CNGB1: variants seen among roughly 807,000 people sequenced by gnomAD.
CNGB1 encodes cyclic nucleotide gated channel subunit beta 1, also known as cyclic nucleotide-gated channel beta-1.
In CNGB1, 126 loss-of-function variants were observed where a neutral mutation model predicts 151.7. That is an observed-to-expected ratio of 0.83 (90% CI 0.72 to 0.96). The LOEUF (loss-of-function observed/expected upper bound fraction) is 0.96. Ranked by LOEUF, CNGB1 falls within the 40% of genes least tolerant of loss-of-function variation. The probability of loss-of-function intolerance (pLI) is 0.00; values close to 1 mark genes in which losing one functional copy is unlikely to be tolerated. For missense variants in CNGB1, 1,698 were observed against 1,627.0 expected (o/e 1.04, Z -0.75); for synonymous variants, 623 against 635.1 (o/e 0.98, Z 0.29).
At chr16:57,968,636 ATC>A (rs1218461198) in intron 1 of CNGB1, among the ~76,000 whole-genome samples, 11 of 152,372 alleles carry the variant, frequency 7.2e-5, no homozygotes, top group African/African-American at 2.6e-4. Context: ...GTACTACATA[ATC>A]TCATTATAAG....
At chr16:57,940,379 TC>T in intron 14 of CNGB1, 58 bp from the exon 15 acceptor site, 2 of 1,517,724 alleles carry the variant, frequency 1.3e-6, no homozygotes, top group African/African-American at 1.4e-5. Flanking sequence ...GTTAAAGGTT[TC>T]CCCAGCCCTG....
chr16:57,885,580 T>TCTCTCTCCCTCTCTCTCTC (rs746385217), intron 32 of CNGB1, among the ~76,000 whole-genome samples: 1 of 56,978 alleles, frequency 1.8e-5, no homozygotes, highest in African/African-American at 5.8e-5. Context: ...CTCTCTCTCT[T>TCTCTCTCCCTCTCTCTCTC]TCTTTCTTTC....
chr16:57,953,926 G>A (rs996748487), intron 12 of CNGB1, among the ~76,000 whole-genome samples: 3 of 151,818 alleles, frequency 2.0e-5, no homozygotes, highest in Non-Finnish European at 2.9e-5. Flanking sequence ...CCCAGCTCCC[G>A]GTACTCTTGA....
chr16:57,955,154 G>C, intron 12 of CNGB1: 1 of 1,483,020 alleles, frequency 6.7e-7, no homozygotes, highest in Admixed American at 2.1e-5. Flanking sequence ...GGAGGCTCTG[G>C]GGCTGGTGCA....
Position 57,884,390 on chromosome 16 carries a change from T to A in CNGB1, c.3530A>T (p.Lys1177Met). 1 of 1,612,816 alleles carries A rather than the reference T, an allele frequency of 6.2e-7. No homozygotes were observed. The highest frequency in any genetic ancestry group is 1.7e-4 in the Middle Eastern group (1 of 6,044). The change falls in exon 33 of 33, where the codon AAG (lysine) becomes ATG (methionine). Residue 1177 changes from lysine to methionine, a missense_variant. Transcript: ENST00000251102. ...CGCGGGTGGGTCGGTGGCGGCCTCC[T>A]TTGGGTGCGTGTGCTGGTCTGGGGC... Reference protein sequence around the residue: ...SAAPDQHTHPKEAATDPPAPR... With the variant: ...SAAPDQHTHPMEAATDPPAPR...
chr16:57,904,505 A>G (rs1205659354), intron 26 of CNGB1, among the ~76,000 whole-genome samples: 1 of 152,152 alleles, frequency 6.6e-6, no homozygotes, highest in African/African-American at 2.4e-5. Context: ...GTGCACCCGG[A>G]GGAACTGACA....
chr16:57,960,147 C>A (rs897152517), intron 9 of CNGB1, 82 bp from the exon 10 acceptor site: 7 of 1,524,254 alleles, frequency 4.6e-6, no homozygotes, highest in Non-Finnish European at 3.5e-6. Flanking sequence ...GGGCCAGATT[C>A]GAGTCGCTAA....
rs112406213 is a variant in CNGB1 at position 57,933,754 on chromosome 16, G to A, written c.1373-1876C>T. On this transcript the variant is annotated intron_variant, in intron 16 of 32. Transcript: ENST00000251102. ...TTTTTTTTTTTTGAGATGGAGTCTC[G>A]CTCTGTCGCCTAGGCTGGAGTATAG... Among the ~76,000 whole-genome samples, 823 of 139,254 alleles carry A rather than the reference G, an allele frequency of 5.9e-3. 8 individuals are homozygous for A. Among genetic ancestry groups the A allele is most frequent in the African/African-American group, 0.021 (778 of 36,816 alleles). 91.4% of individuals were successfully genotyped at this position (139,254 alleles called of 152,430 possible). A position where few individuals can be genotyped will look rare whatever the true frequency, so the allele number is the denominator to read the frequency against.
At chr16:57,918,393 G>T (rs1016367712) in intron 20 of CNGB1, among the ~76,000 whole-genome samples, 1 of 152,194 alleles carries the variant, frequency 6.6e-6, no homozygotes, top group South Asian at 2.1e-4. Flanking sequence ...ACAGGAAAAG[G>T]TCAGATAAGA....
At chr16:57,963,123 G>A (rs1962305204) in intron 4 of CNGB1, 59 bp from the exon 5 acceptor site, 6 of 1,249,704 alleles carry the variant, frequency 4.8e-6, no homozygotes, top group Non-Finnish European at 5.9e-6. Flanking sequence ...TGAGGCCCTC[G>A]AGGCCCAAGA....
chr16:57,968,814 C>T (rs1293170449), intron 1 of CNGB1, among the ~76,000 whole-genome samples: 1 of 145,982 alleles, frequency 6.9e-6, no homozygotes, highest in Non-Finnish European at 1.5e-5. Context: ...ATCACTTGAG[C>T]TCAGGAGTTC....
chr16:57,897,645 A>C (rs1332258809), intron 30 of CNGB1, 102 bp from the exon 31 acceptor site: 5 of 1,581,870 alleles, frequency 3.2e-6, no homozygotes, highest in Non-Finnish European at 4.3e-6. Context: ...GGCCCCACAC[A>C]GATGAGAACC....
At chr16:57,892,064 C>T (rs1030750396) in intron 31 of CNGB1, among the ~76,000 whole-genome samples, 1 of 28,428 alleles carries the variant, frequency 3.5e-5, no homozygotes, top group Non-Finnish European at 7.3e-5. Flanking sequence ...ACAAAAAGCA[C>T]AAAAATGCAA....
intron 16 of CNGB1, among the ~76,000 whole-genome samples, chr16:57,936,190 G>A (rs774163688): frequency 3.9e-5 from 6 of 152,098 alleles, no homozygotes; most frequent in Non-Finnish European, 8.8e-5. Flanking sequence ...ACAATCAATG[G>A]ATCCAGACAG....
chr16:57,942,350 A>T (rs1961690626), intron 14 of CNGB1, among the ~76,000 whole-genome samples: 1 of 152,200 alleles, frequency 6.6e-6, no homozygotes, highest in Non-Finnish European at 1.5e-5. Context: ...TCCACCAAAA[A>T]ACTGTTAGAA....
chr16:57,921,284 A>C (rs2149366957), intron 18 of CNGB1, among the ~76,000 whole-genome samples: 1 of 127,442 alleles, frequency 7.8e-6, no homozygotes, highest in Non-Finnish European at 1.5e-5. Context: ...TGGCAGTGGT[A>C]TGACCTCGGC....
intron 25 of CNGB1, 104 bp from the exon 26 acceptor site, chr16:57,904,979 A>G: frequency 6.9e-7 from 1 of 1,443,222 alleles, no homozygotes; most frequent in Non-Finnish European, 9.7e-7. Context: ...TGTGCAAAAG[A>G]CAGAAACCCT....
chr16:57,953,530 T>C (rs1962013813), intron 12 of CNGB1, among the ~76,000 whole-genome samples: 3 of 149,296 alleles, frequency 2.0e-5, no homozygotes, highest in Non-Finnish European at 3.0e-5. Context: ...AACAGCCTCA[T>C]GTAGGAAGGA....
intron 16 of CNGB1, among the ~76,000 whole-genome samples, chr16:57,939,110 A>G (rs1296687437): frequency 6.6e-6 from 1 of 151,824 alleles, no homozygotes; most frequent in Non-Finnish European, 1.5e-5. Flanking sequence ...GGGGCTGGTT[A>G]GGAGGGGCCT....
Sources: allele counts gnomAD v4.1 joint callset (sites outside exome capture counted in the v4.1 genomes callset), GRCh38; gene constraint gnomAD v4.1.1; transcripts MANE v1.5; gene names NCBI Gene and HGNC (gene_info 2026-07-23, HGNC 2026-07-21).